The following SMIM22 variants were observed in gnomAD, a reference collection of about 807,000 sequenced individuals.
The protein encoded by SMIM22 is small integral membrane protein 22.
Under a neutral mutation model 8.4 loss-of-function variants are expected in SMIM22, and 16 were observed. That is an observed-to-expected ratio of 1.90 (90% CI 1.29 to 2.89). The LOEUF (loss-of-function observed/expected upper bound fraction) is 2.89, where lower values mean the gene tolerates loss of function less well. Ranked by LOEUF, SMIM22 falls within the 30% of genes most tolerant of loss-of-function variation. The pLI is 0.00. For missense variants in SMIM22, 159 were observed against 107.5 expected, an observed-to-expected ratio of 1.48 and a Z score of -2.12; for synonymous variants, 67 against 47.6, an observed-to-expected ratio of 1.41 and a Z score of -1.68.
At chr16:4,792,516 T>C (rs1489261134), upstream of SMIM22, among the ~76,000 whole-genome samples, 4 of 146,730 alleles carry the variant, frequency 2.7e-5, no homozygotes, top group Non-Finnish European at 4.5e-5. Flanking sequence ...AATAGAAGTA[T>C]GTCTGCTGGG....
chr16:4,795,892 C>G (rs542736853), intron 2 of SMIM22, 34 bp downstream of exon 2: 14 of 1,533,014 alleles, frequency 9.1e-6, no homozygotes, highest in Non-Finnish European at 1.2e-5. Context: ...GTCCTCCCAG[C>G]CCCCTGCCCT....
intron 2 of SMIM22, chr16:4,788,907 G>C (rs1431121003): frequency 6.6e-6 from 1 of 152,158 alleles, no homozygotes; most frequent in Non-Finnish European, 1.5e-5. Flanking sequence ...TAGATTTCCG[G>C]TGTATCTTAG....
At chr16:4,794,038 C>A (rs1253869351), upstream of SMIM22, among the ~76,000 whole-genome samples, 1 of 152,142 alleles carries the variant, frequency 6.6e-6, no homozygotes, top group Non-Finnish European at 1.5e-5. Flanking sequence ...TGGGTTCAAG[C>A]GATTCTCCTG....
At chr16:4,791,340 CA>C (rs879627539), upstream of SMIM22, among the ~76,000 whole-genome samples, 4 of 152,242 alleles carry the variant, frequency 2.6e-5, no homozygotes, top group Non-Finnish European at 4.4e-5. Flanking sequence ...TGGAAGAGGA[CA>C]AAAGCCTGGA....
upstream of SMIM22, among the ~76,000 whole-genome samples, chr16:4,793,261 C>T (rs1371540207): frequency 1.3e-5 from 2 of 152,064 alleles, no homozygotes; most frequent in African/African-American, 4.8e-5. Flanking sequence ...TGGACTCTGC[C>T]CTAGAACCTT....
At chr16:4,789,545 C>G (rs2082518036) in intron 2 of SMIM22, among the ~76,000 whole-genome samples, 1 of 152,144 alleles carries the variant, frequency 6.6e-6, no homozygotes, top group African/African-American at 2.4e-5. Context: ...CCAGGATGGT[C>G]TCGATCTCCT....
upstream of SMIM22, among the ~76,000 whole-genome samples, chr16:4,792,391 C>T (rs985388328): frequency 1.7e-4 from 26 of 151,026 alleles, no homozygotes; most frequent in Admixed American, 1.2e-3. Flanking sequence ...GGGGTTTCAC[C>T]GTGTTAGCCA....
At position 4,795,728 on chromosome 16, in the gene SMIM22, C is replaced by G; in HGVS notation, c.-7C>G. ...GGACCGGGGCAGGTGGCACGGTGCA[C>G]GCCAAGATGGCTGTGTCCACAGAGG... On this transcript the variant is annotated 5_prime_UTR_variant, in exon 2 of 4. Coordinates refer to ENST00000586005, the MANE Select transcript of SMIM22 (RefSeq NM_001253794.2). The G allele has an allele frequency of 6.5e-7, 1 of 1,535,422 alleles. No homozygotes were observed. The highest frequency in any genetic ancestry group is 8.7e-7 in the Non-Finnish European group (1 of 1,146,656).
Sources: allele counts gnomAD v4.1 joint callset (sites outside exome capture counted in the v4.1 genomes callset), GRCh38; gene constraint gnomAD v4.1.1; transcripts MANE v1.5; gene names NCBI Gene and HGNC (gene_info 2026-07-23, HGNC 2026-07-21).